THSD4: variants seen among roughly 807,000 people sequenced by gnomAD.
The protein encoded by THSD4 is thrombospondin type 1 domain containing 4.
THSD4 carries 69 observed loss-of-function variants against 119.0 expected under a neutral mutation model. The ratio of observed to expected loss-of-function variants is 0.58; its 90% CI spans 0.48 to 0.71. The LOEUF (loss-of-function observed/expected upper bound fraction) is 0.71. Ranked by LOEUF, THSD4 falls within the 30% of genes least tolerant of loss-of-function variation. The pLI, the probability that THSD4 is intolerant of heterozygous loss-of-function variation, is 0.00. For missense variants in THSD4, 1,393 were observed against 1,391.1 expected (o/e 1.00, Z -0.02); for synonymous variants, 524 against 540.4 (o/e 0.97, Z 0.42).
chr15:71,154,457 C>T (rs989101666), intron 2 of THSD4, among the ~76,000 whole-genome samples: 29 of 152,172 alleles, frequency 1.9e-4, no homozygotes, highest in African/African-American at 6.3e-4. Flanking sequence ...CCTTACCACC[C>T]GTGAAGGACC....
chr15:71,698,707 C>T (rs2052220556), intron 8 of THSD4, among the ~76,000 whole-genome samples: 1 of 150,396 alleles, frequency 6.6e-6, no homozygotes, highest in Admixed American at 6.6e-5. Flanking sequence ...CGTCTATACA[C>T]ACACACACAC....
At chr15:71,334,834 A>T (rs2045471174) in intron 6 of THSD4, among the ~76,000 whole-genome samples, 1 of 152,220 alleles carries the variant, frequency 6.6e-6, no homozygotes, top group African/African-American at 2.4e-5. Context: ...AAGAAGGAAG[A>T]TGCACATCTT....
rs980115794 is a variant in THSD4 at position 71,564,667 on chromosome 15, A to G, written c.1153-95863A>G. On this transcript the variant is annotated intron_variant, in intron 7 of 17. Transcript: ENST00000261862. Reference sequence around the variant, plus strand: ...TATAACATATAATACAATATATAGTATATTATAACATATAATACAATATAT... The same window carrying G: ...TATAACATATAATACAATATATAGTGTATTATAACATATAATACAATATAT... 5.7e-4 allele frequency among the ~76,000 whole-genome samples: 38 copies of G among 67,124 alleles called. 9 individuals carry two copies. Among genetic ancestry groups the G allele is most frequent in the Admixed American group, 1.2e-3 (8 of 6,902 alleles). 44.0% of individuals were successfully genotyped at this position (67,124 alleles called of 152,430 possible). A position where few individuals can be genotyped will look rare whatever the true frequency, so the allele number is the denominator to read the frequency against.
chr15:71,678,967 A>G (rs4777436), intron 8 of THSD4, among the ~76,000 whole-genome samples: 25,531 of 152,000 alleles, frequency 0.17, 2,439 homozygotes, highest in East Asian at 0.39. Context: ...TCCCTTTATT[A>G]TCTAGTGTTT....
rs547019898 is a variant in THSD4, at chr15:71,391,320, C to T, written c.1016-20367C>T. Reference sequence around the variant, plus strand: ...CTGGGATTACAGGCGTGAGCCACCGCGCCTGGCAACTCATGCCGGCTAATT... The same window carrying T: ...CTGGGATTACAGGCGTGAGCCACCGTGCCTGGCAACTCATGCCGGCTAATT... On this transcript the variant is annotated intron_variant, in intron 6 of 17. Coordinates refer to ENST00000261862, the MANE Select transcript of THSD4 (RefSeq NM_024817.3). 6.6e-5 allele frequency among the ~76,000 whole-genome samples: 10 copies of T among 152,186 alleles called. No homozygotes were observed. The South Asian group carries it at 1.0e-3, about 16-fold the overall frequency.
intron 10 of THSD4, among the ~76,000 whole-genome samples, chr15:71,736,489 CTG>C (rs2053111775): frequency 6.6e-6 from 1 of 151,980 alleles, no homozygotes; most frequent in African/African-American, 2.4e-5. Context: ...CTCTCTGTCT[CTG>C]TGTCTCTGTC....
chr15:71,681,674 C>CAAA (rs147593449), intron 8 of THSD4, among the ~76,000 whole-genome samples: 14 of 100,148 alleles, frequency 1.4e-4, no homozygotes, highest in African/African-American at 4.8e-4. Context: ...AACTTCGTCT[C>CAAA]AAAAAAAAAA....
chr15:71,628,130 G>A (rs1161247295), intron 7 of THSD4, among the ~76,000 whole-genome samples: 1 of 152,152 alleles, frequency 6.6e-6, no homozygotes, highest in Non-Finnish European at 1.5e-5. Context: ...TGTGGGTAAG[G>A]CCTGGGCATC....
intron 8 of THSD4, among the ~76,000 whole-genome samples, chr15:71,691,633 T>C (rs2052051534): frequency 6.6e-6 from 1 of 152,242 alleles, no homozygotes; most frequent in Non-Finnish European, 1.5e-5. Flanking sequence ...TCCTGGTTGA[T>C]TACCTGGCAT....
At position 71,738,234 on chromosome 15, in the gene THSD4, T is replaced by TCC. The variant is rs2053163789; in HGVS notation, c.1906+229_1906+230dup. ...TCTCATAAGGAGCATGCAACCTAGA[T>TCC]CCCTTGCCTGCACAGTTCACAATAG... is the stretch of plus-strand genomic sequence containing the variant. On this transcript the variant is annotated intron_variant, in intron 11 of 17. Coordinates refer to ENST00000261862, the MANE Select transcript of THSD4 (RefSeq NM_024817.3). 5.2e-6 allele frequency: 3 copies of TCC among 580,804 alleles called. No homozygotes were observed. In the East Asian group the frequency reaches 9.0e-5, roughly 17 times the overall value. The allele number at this position is 580,804 out of a possible 1,614,324, so 36.0% of individuals were successfully genotyped here. A position where few individuals can be genotyped will look rare whatever the true frequency, so the allele number is the denominator to read the frequency against.
At chr15:71,547,221 T>C in intron 7 of THSD4, 1 of 1,383,266 alleles carries the variant, frequency 7.2e-7, no homozygotes. Flanking sequence ...AGAGATCAGC[T>C]TACCAGTTTT....
At chr15:71,489,643 T>C (rs987490430) in intron 7 of THSD4, among the ~76,000 whole-genome samples, 1 of 152,154 alleles carries the variant, frequency 6.6e-6, no homozygotes, top group Non-Finnish European at 1.5e-5. Context: ...CTGGAGAAAA[T>C]TTGTTTTCAT....
chr15:71,334,186 T>A (rs2045463914), intron 6 of THSD4, among the ~76,000 whole-genome samples: 1 of 152,196 alleles, frequency 6.6e-6, no homozygotes, highest in African/African-American at 2.4e-5. Flanking sequence ...ACTGAGAACT[T>A]ACTTTGTTCT....
At chr15:71,656,591 T>C (rs2140989463) in intron 7 of THSD4, among the ~76,000 whole-genome samples, 1 of 152,300 alleles carries the variant, frequency 6.6e-6, no homozygotes, top group South Asian at 2.1e-4. Flanking sequence ...AACTTGTTCC[T>C]CTGCACCTAG....
chr15:71,298,350 C>T (rs1005308767), intron 6 of THSD4, among the ~76,000 whole-genome samples: 2 of 152,148 alleles, frequency 1.3e-5, no homozygotes, highest in African/African-American at 4.8e-5. Context: ...CTTTGTAGCA[C>T]ATTTTATATC....
chr15:71,458,939 G>A (rs988258460), intron 7 of THSD4, among the ~76,000 whole-genome samples: 1 of 152,130 alleles, frequency 6.6e-6, no homozygotes, highest in African/African-American at 2.4e-5. Flanking sequence ...CGTGCCCACT[G>A]TGGATGGCCA....
chr15:71,218,023 C>T (rs922169527), intron 4 of THSD4, among the ~76,000 whole-genome samples: 2 of 151,916 alleles, frequency 1.3e-5, no homozygotes, highest in South Asian at 2.1e-4. Context: ...CTGCCCGCTT[C>T]GGCCTCCCAA....
chr15:71,737,586 C>G (rs2053138067), intron 10 of THSD4, 146 bp from the exon 11 acceptor site: 1 of 1,138,348 alleles, frequency 8.8e-7, no homozygotes, highest in Admixed American at 3.2e-5. Context: ...TAGTAGGTGT[C>G]TGCTTATTTT....
At chr15:71,542,430 A>G (rs984222394) in intron 7 of THSD4, among the ~76,000 whole-genome samples, 26 of 152,284 alleles carry the variant, frequency 1.7e-4, no homozygotes, top group African/African-American at 6.3e-4. Flanking sequence ...GGCAGATACC[A>G]CCTGAACCAC....
Sources: allele counts gnomAD v4.1 joint callset (sites outside exome capture counted in the v4.1 genomes callset), GRCh38; gene constraint gnomAD v4.1.1; transcripts MANE v1.5; gene names NCBI Gene and HGNC (gene_info 2026-07-23, HGNC 2026-07-21).